Variants in CLNK observed in about 807,000 individuals in gnomAD.
CLNK encodes the protein cytokine-dependent hematopoietic cell linker.
A neutral mutation model predicts 68.6 loss-of-function variants in CLNK; 74 were observed. The observed-to-expected ratio is 1.08, with a 90% confidence interval of 0.89 to 1.31. The LOEUF is 1.31. Ranked by LOEUF, CLNK falls within the 50% of genes most tolerant of loss-of-function variation. The probability of loss-of-function intolerance (pLI) is 0.00; values close to 1 mark genes in which losing one functional copy is unlikely to be tolerated. For synonymous variants in CLNK, 198 were observed against 172.2 expected (o/e 1.15, Z -1.17); for missense variants, 553 against 515.3 (o/e 1.07, Z -0.71).
chr4:10,600,698 T>C (rs1394725621), intron 2 of CLNK, among the ~76,000 whole-genome samples: 1 of 152,226 alleles, frequency 6.6e-6, no homozygotes, highest in African/African-American at 2.4e-5. Context: ...CATAAATAAC[T>C]TGTGAGTCTG....
intron 18 of CLNK, among the ~76,000 whole-genome samples, chr4:10,498,447 G>A (rs1050879932): frequency 1.1e-4 from 16 of 152,034 alleles, no homozygotes; most frequent in Non-Finnish European, 1.8e-4. Context: ...AGCCGAGATC[G>A]CGCCACTGCA....
At chr4:10,597,871 C>A (rs754525618) in intron 3 of CLNK, 107 bp downstream of exon 3, 121 of 761,842 alleles carry the variant, frequency 1.6e-4, no homozygotes, top group Non-Finnish European at 2.2e-4. Flanking sequence ...TAAGTCACTA[C>A]AGGTCATTCC....
chr4:10,535,247 G>GAAAGAA (rs780634244), intron 11 of CLNK, among the ~76,000 whole-genome samples: 5 of 122,266 alleles, frequency 4.1e-5, no homozygotes, highest in African/African-American at 6.0e-5. Context: ...AAGAAAGAAA[G>GAAAGAA]AAAGAAAGAA....
At chr4:10,592,238 C>G (rs1316529251) in intron 3 of CLNK, among the ~76,000 whole-genome samples, 2 of 152,126 alleles carry the variant, frequency 1.3e-5, no homozygotes, top group Non-Finnish European at 2.9e-5. Flanking sequence ...GGGCAGAAAA[C>G]ATGTCTATAT....
intron 4 of CLNK, among the ~76,000 whole-genome samples, chr4:10,572,185 G>A (rs990704360): frequency 1.3e-5 from 2 of 152,212 alleles, no homozygotes; most frequent in Non-Finnish European, 2.9e-5. Context: ...GGCACAGCAT[G>A]TTGCAATTGC....
intron 2 of CLNK, among the ~76,000 whole-genome samples, chr4:10,647,834 T>C (rs1351761320): frequency 6.6e-6 from 1 of 152,184 alleles, no homozygotes; most frequent in Non-Finnish European, 1.5e-5. Context: ...GCAAGACCGA[T>C]AAACATAGAT....
At chr4:10,503,099 T>C in intron 17 of CLNK, among the ~76,000 whole-genome samples, 1 of 152,326 alleles carries the variant, frequency 6.6e-6, no homozygotes. Context: ...GTGTTATTTA[T>C]ATAATGAAAA....
chr4:10,527,757 C>T (rs1718379869), intron 13 of CLNK, among the ~76,000 whole-genome samples: 1 of 152,110 alleles, frequency 6.6e-6, no homozygotes, highest in African/African-American at 2.4e-5. Flanking sequence ...ATCCCAAGAG[C>T]TTTTTTGGAG....
chr4:10,591,863 C>T (rs1721190007), intron 3 of CLNK, among the ~76,000 whole-genome samples: 1 of 152,336 alleles, frequency 6.6e-6, no homozygotes, highest in East Asian at 1.9e-4. Flanking sequence ...AAGGCATTCC[C>T]TATTGGTTTC....
intron 18 of CLNK, among the ~76,000 whole-genome samples, chr4:10,497,922 G>A (rs758301413): frequency 3.9e-5 from 6 of 152,364 alleles, no homozygotes; most frequent in South Asian, 4.1e-4. Context: ...CTGGCCGGGC[G>A]CAGTGGCTCA....
At chr4:10,708,417 G>A in the CLNK span, among the ~76,000 whole-genome samples, 7 of 151,968 alleles carry the variant, frequency 4.6e-5, no homozygotes, top group African/African-American at 1.7e-4. Flanking sequence ...TGAGGAATCT[G>A]AATGCAGGAA....
chr4:10,613,439 G>A (rs1251909556), intron 2 of CLNK, among the ~76,000 whole-genome samples: 3 of 152,218 alleles, frequency 2.0e-5, no homozygotes, highest in Non-Finnish European at 4.4e-5. Flanking sequence ...TGGAATGCCT[G>A]CAGGGATGGA....
At chr4:10,551,960 G>A (rs1719481151) in intron 8 of CLNK, among the ~76,000 whole-genome samples, 1 of 151,242 alleles carries the variant, frequency 6.6e-6, no homozygotes, top group Non-Finnish European at 1.5e-5. Flanking sequence ...CAATTCTCTT[G>A]CCTCATCCTC....
chr4:10,631,082 C>A (rs570337941), intron 2 of CLNK, among the ~76,000 whole-genome samples: 2 of 145,600 alleles, frequency 1.4e-5, no homozygotes, highest in South Asian at 2.2e-4. Context: ...GATCCACTTG[C>A]ATAGCTTAAA....
At chr4:10,616,791 T>TATATATATATATATATATATATATATAC (rs1722248048) in intron 2 of CLNK, among the ~76,000 whole-genome samples, 1 of 1,246 alleles carries the variant, frequency 8.0e-4, no homozygotes, top group Non-Finnish European at 2.1e-3. Flanking sequence ...TGTGTGTGTG[T>TATATATATATATATATATATATATATAC]ATATATATAT....
In CLNK at chr4:10,593,290, T is replaced by G. The variant is rs191742161; in HGVS notation, c.83+4688A>C. 4.3e-3 allele frequency among the ~76,000 whole-genome samples: 655 copies of G among 152,074 alleles called. 5 individuals carry two copies. Among genetic ancestry groups the G allele is most frequent in the African/African-American group, 0.015 (640 of 41,476 alleles). On this transcript the variant is annotated intron_variant, in intron 3 of 18. Transcript: ENST00000226951. The stretch of plus-strand genomic sequence containing the variant: ...AGCAGTCAGGAGAGCGGGCAGCGGT[T>G]ATGGCCAGCAGGTTCCTGGGCTTGC...
At chr4:10,521,931 A>G (rs1718085731) in intron 14 of CLNK, among the ~76,000 whole-genome samples, 1 of 152,282 alleles carries the variant, frequency 6.6e-6, no homozygotes, top group Non-Finnish European at 1.5e-5. Flanking sequence ...GTTGATATGA[A>G]TATAAGGGGA....
chr4:10,577,190 G>T (rs960398875), intron 4 of CLNK, among the ~76,000 whole-genome samples: 2 of 152,206 alleles, frequency 1.3e-5, no homozygotes, highest in Non-Finnish European at 1.5e-5. Flanking sequence ...AAGCCAGACA[G>T]GTTCCCCAAG....
At chr4:10,512,169 G>A (rs1352114860) in intron 16 of CLNK, among the ~76,000 whole-genome samples, 6 of 151,936 alleles carry the variant, frequency 3.9e-5, no homozygotes, top group Non-Finnish European at 5.9e-5. Context: ...CCATGTTTAC[G>A]AAGAAGATGA....
Sources: allele counts gnomAD v4.1 joint callset (sites outside exome capture counted in the v4.1 genomes callset), GRCh38; gene constraint gnomAD v4.1.1; transcripts MANE v1.5; gene names NCBI Gene and HGNC (gene_info 2026-07-23, HGNC 2026-07-21).